RANBP3L: variants seen among roughly 807,000 people sequenced by gnomAD.
RANBP3L encodes RAN binding protein 3 like, also known as ran-binding protein 3-like.
In RANBP3L, 56 loss-of-function variants were observed where a neutral mutation model predicts 67.2. The observed-to-expected ratio is 0.83, with a 90% CI of 0.67 to 1.04. The LOEUF is 1.04. Ranked by LOEUF, RANBP3L falls within the 50% of genes least tolerant of loss-of-function variation. The pLI is 0.00. For synonymous variants in RANBP3L, 164 were observed against 181.4 expected (o/e 0.90, Z 0.77); for missense variants, 496 against 535.5 (o/e 0.93, Z 0.73).
intron 11 of RANBP3L, 85 bp from the exon 12 acceptor site, chr5:36,253,874 AGTT>A: frequency 7.2e-7 from 1 of 1,393,246 alleles, no homozygotes; most frequent in Non-Finnish European, 9.8e-7. Flanking sequence ...TAAATCTTGT[AGTT>A]GTTTTTCAGA....
At chr5:36,262,684 T>C (rs2111777083) in intron 6 of RANBP3L, among the ~76,000 whole-genome samples, 1 of 152,300 alleles carries the variant, frequency 6.6e-6, no homozygotes, top group South Asian at 2.1e-4. Context: ...TTCAGGGCGT[T>C]TGTGTCTTTT....
intron 13 of RANBP3L, among the ~76,000 whole-genome samples, chr5:36,250,414 T>A (rs1335065685): frequency 6.6e-6 from 1 of 152,080 alleles, no homozygotes; most frequent in East Asian, 1.9e-4. Context: ...TCCTTTTGAT[T>A]ATAGCTTTAA....
chr5:36,269,873 C>G (rs181888357), intron 3 of RANBP3L, 78 bp downstream of exon 3: 1 of 1,160,280 alleles, frequency 8.6e-7, no homozygotes, highest in Non-Finnish European at 1.3e-6. Flanking sequence ...ATAGTCTGTG[C>G]CACATGCCAA....
At chr5:36,253,508 T>C (rs1748742220) in intron 12 of RANBP3L, 139 bp downstream of exon 12, 8 of 631,906 alleles carry the variant, frequency 1.3e-5, no homozygotes, top group Admixed American at 2.9e-5. Flanking sequence ...TTATGTCTTA[T>C]GCTATAAACA....
At chr5:36,260,639 A>G (rs935993602) in intron 8 of RANBP3L, 141 bp downstream of exon 8, 1 of 534,188 alleles carries the variant, frequency 1.9e-6, no homozygotes, top group Non-Finnish European at 3.3e-6. Flanking sequence ...GAATCTTTCC[A>G]GTTAAAGAAA....
At chr5:36,254,474 GTTTGTTT>G (rs1005596541) in intron 11 of RANBP3L, among the ~76,000 whole-genome samples, 7 of 151,994 alleles carry the variant, frequency 4.6e-5, no homozygotes, top group African/African-American at 7.2e-5. Flanking sequence ...TTCTTTTGGG[GTTTGTTT>G]TTTGTTTTTT....
chr5:36,251,490 G>C lies in RANBP3L; in HGVS notation c.1177C>G (p.Gln393Glu). The change falls in exon 13 of 14, where the codon CAA becomes GAA. Residue 393 changes from glutamine (Q) to glutamate (E), a missense_variant. Gln to Glu is a conservative substitution (Grantham distance 29). Transcript: ENST00000296604. ...IKIFLIQASA[Q>E]DTAYLYAAIH... ...GCTGCATACAAATATGCTGTATCTT[G>C]GGCACTGGCCTGCATGAGGAACATT... 6.2e-7 allele frequency: 1 copy of C among 1,605,052 alleles called. No individual in the cohort carries two copies. The highest frequency in any genetic ancestry group is 1.1e-5 in the South Asian group (1 of 89,776).
At chr5:36,275,861 G>A (rs1279978162) in intron 1 of RANBP3L, among the ~76,000 whole-genome samples, 1 of 152,010 alleles carries the variant, frequency 6.6e-6, no homozygotes, top group Admixed American at 6.6e-5. Context: ...AGCAAAGGAG[G>A]GGACAAGGAT....
At chr5:36,270,603 G>A (rs952911298) in intron 2 of RANBP3L, among the ~76,000 whole-genome samples, 2 of 152,142 alleles carry the variant, frequency 1.3e-5, no homozygotes, top group Non-Finnish European at 2.9e-5. Context: ...CAATCCTCTT[G>A]TCTCAGGCTC....
At chr5:36,262,715 T>C (rs1179051305) in intron 6 of RANBP3L, among the ~76,000 whole-genome samples, 1 of 152,180 alleles carries the variant, frequency 6.6e-6, no homozygotes, top group Non-Finnish European at 1.5e-5. Flanking sequence ...GGGTTATGTT[T>C]CCACTTAAAT....
chr5:36,273,645 C>A (rs1750378913), intron 1 of RANBP3L, among the ~76,000 whole-genome samples: 1 of 152,148 alleles, frequency 6.6e-6, no homozygotes, highest in Non-Finnish European at 1.5e-5. Context: ...AAGCATTTGT[C>A]AAGCCATTGG....
chr5:36,249,624 T>A lies in RANBP3L; in HGVS notation c.*30A>T, dbSNP rs1045004810. Reference sequence around the variant, plus strand: ...TTTTCAGTAGGGTGACCCCTCTTTTTGTAGATGTCATGTTTATAGTAGGTA... The same window carrying A: ...TTTTCAGTAGGGTGACCCCTCTTTTAGTAGATGTCATGTTTATAGTAGGTA... On this transcript the variant is annotated 3_prime_UTR_variant, in exon 14 of 14. Coordinates refer to ENST00000296604, the MANE Select transcript of RANBP3L (RefSeq NM_145000.5). 1 of 1,341,692 alleles carries A rather than the reference T, an allele frequency of 7.5e-7. No individual in the cohort carries two copies. Among genetic ancestry groups the A allele is most frequent in the Non-Finnish European group, 1.0e-6 (1 of 968,624 alleles). The allele number at this position is 1,341,692 out of a possible 1,614,324, so 83.1% of individuals were successfully genotyped here. A position where few individuals can be genotyped will look rare whatever the true frequency, so the allele number is the denominator to read the frequency against.
At chr5:36,283,369 C>T (rs1349823398) in intron 1 of RANBP3L, among the ~76,000 whole-genome samples, 1 of 148,900 alleles carries the variant, frequency 6.7e-6, no homozygotes, top group African/African-American at 2.5e-5. Flanking sequence ...GTTAATTTAA[C>T]CTTACTCAGT....
Position 36,269,262 on chromosome 5 carries a change from G to A in RANBP3L, c.268+128C>T, listed in dbSNP as rs566584385. The A allele has an allele frequency of 3.0e-4, 188 of 625,202 alleles. 4 individuals are homozygous for A. The Middle Eastern group carries it at 3.6e-3, about 12-fold the overall frequency. 38.7% of individuals were successfully genotyped at this position (625,202 alleles called of 1,614,324 possible). ...CCATTGTATAGCTTGTTGTTTTCAC[G>A]TAACAATATATTATAAACACTATTC... On this transcript the variant is annotated intron_variant, in intron 4 of 13. Transcript: ENST00000296604.
At chr5:36,288,829 G>C (rs185533603) in intron 1 of RANBP3L, among the ~76,000 whole-genome samples, 2 of 151,714 alleles carry the variant, frequency 1.3e-5, no homozygotes, top group Non-Finnish European at 1.5e-5. Context: ...ATCATGAGCT[G>C]TAAGAGTTTT....
At chr5:36,265,140 A>C (rs1189056943) in intron 5 of RANBP3L, 42 bp from the exon 6 acceptor site, 1 of 1,275,384 alleles carries the variant, frequency 7.8e-7, no homozygotes, top group Non-Finnish European at 1.1e-6. Flanking sequence ...TGTTTACTGA[A>C]ATATTCCTTT....
chr5:36,285,441 C>T (rs530224333), intron 1 of RANBP3L, among the ~76,000 whole-genome samples: 141 of 152,324 alleles, frequency 9.3e-4, no homozygotes, highest in African/African-American at 3.2e-3. Flanking sequence ...GTGTGGAGCA[C>T]ACTAGTGTAC....
At chr5:36,299,658 T>C (rs966070102) in intron 1 of RANBP3L, among the ~76,000 whole-genome samples, 3 of 152,270 alleles carry the variant, frequency 2.0e-5, no homozygotes, top group South Asian at 4.1e-4. Context: ...AAAGATCTAT[T>C]CATTAGTTTA....
At chr5:36,261,162 A>G (rs558109556) in intron 7 of RANBP3L, among the ~76,000 whole-genome samples, 4 of 152,116 alleles carry the variant, frequency 2.6e-5, no homozygotes, top group East Asian at 1.9e-4. Flanking sequence ...TGCTTTTCCA[A>G]CACACCCTGT....
Sources: allele counts gnomAD v4.1 joint callset (sites outside exome capture counted in the v4.1 genomes callset), GRCh38; gene constraint gnomAD v4.1.1; transcripts MANE v1.5; gene names NCBI Gene and HGNC (gene_info 2026-07-23, HGNC 2026-07-21).